The following COG3 variants were observed in gnomAD, a reference collection of about 807,000 sequenced individuals.
The protein encoded by COG3 is conserved oligomeric Golgi complex subunit 3.
A neutral mutation model predicts 114.1 loss-of-function variants in COG3; 32 were observed. The observed-to-expected ratio is 0.28, with a 90% CI of 0.21 to 0.38. The LOEUF is 0.38. Among genes scored for constraint, COG3 ranks in the 10% least tolerant of loss-of-function variants. The pLI is 1.00. For missense variants in COG3, 813 were observed against 973.2 expected, an observed-to-expected ratio of 0.84 and a Z score of 2.19; for synonymous variants, 352 against 365.7, an observed-to-expected ratio of 0.96 and a Z score of 0.43.
At position 45,529,945 on chromosome 13, in the gene COG3, G is replaced by A. The variant is rs1351824650; in HGVS notation, c.2358+27G>A. ...TGAGTATCAGATAACTCATTTGAAT[G>A]TTGGCGGGTGACTTCAAGTATTCTT... On this transcript the variant is annotated intron_variant, in intron 21 of 22. Transcript: ENST00000349995. 2.5e-6 allele frequency: 4 copies of A among 1,584,966 alleles called. No individual in the cohort carries two copies. In the East Asian group the frequency reaches 6.8e-5, roughly 27 times the overall value.
chr13:45,489,891 A>C (rs1360012947), intron 8 of COG3, among the ~76,000 whole-genome samples: 5 of 152,062 alleles, frequency 3.3e-5, no homozygotes, highest in African/African-American at 1.2e-4. Context: ...AAAATTTTGA[A>C]AAATACAGTG....
In COG3 at chr13:45,482,472, A is replaced by C; in HGVS notation, c.716A>C (p.His239Pro). The part of the protein sequence containing the change: ...LDDCITYISS[H>P]PNFKDYPIYL... ...GATTGTATAACATATATCTCATCTC[A>C]TGTAAGTCAGAGTATTTTTGCATGT... The change falls in exon 6 of 23, where the codon CAT (histidine) becomes CCT (proline). Residue 239 changes from histidine to proline, a missense_variant and splice_region_variant. By Grantham distance (77) the His-to-Pro change is moderately conservative (BLOSUM62 -2). This residue lies in a region of COG3 where 424 missense variants were observed against 430.6 expected (regional missense o/e 0.98). Transcript: ENST00000349995. The C allele has an allele frequency of 7.2e-7, 1 of 1,395,400 alleles. No individual in the cohort carries two copies. Among genetic ancestry groups the C allele is most frequent in the Non-Finnish European group, 1.0e-6 (1 of 1,000,428 alleles). 86.4% of individuals were successfully genotyped at this position (1,395,400 alleles called of 1,614,324 possible). A position where few individuals can be genotyped will look rare whatever the true frequency, so the allele number is the denominator to read the frequency against.
At chr13:45,491,922 A>G (rs1195885953) in intron 10 of COG3, among the ~76,000 whole-genome samples, 1 of 152,198 alleles carries the variant, frequency 6.6e-6, no homozygotes, top group Non-Finnish European at 1.5e-5. Flanking sequence ...TTTGAACTAG[A>G]AAAGTAATTT....
Position 45,501,346 on chromosome 13 carries a change from A to G in COG3, c.1489-1898A>G, listed in dbSNP as rs554542535. ...AGTGTGGACTTGGTCTCTTTTTCCAATTTGTTGATTCAATCACTTACTGAT... is the reference window on the plus strand; with the variant it reads ...AGTGTGGACTTGGTCTCTTTTTCCAGTTTGTTGATTCAATCACTTACTGAT... On this transcript the variant is annotated intron_variant, in intron 13 of 22. Transcript: ENST00000349995. 1.1e-3 allele frequency among the ~76,000 whole-genome samples: 163 copies of G among 152,134 alleles called. 1 individual carries two copies. Among genetic ancestry groups the G allele is most frequent in the Admixed American group, 4.6e-3 (71 of 15,272 alleles).
Position 45,484,109 on chromosome 13 carries a change from T to G in COG3, c.843+754T>G, listed in dbSNP as rs544370122. On this transcript the variant is annotated intron_variant, in intron 7 of 22. Coordinates refer to ENST00000349995, the MANE Select transcript of COG3 (RefSeq NM_031431.4). Reference sequence around the variant, plus strand: ...TAAAATCATAAACGTTATGTTTTGGTTTTTAAGCTTGCTTTCTAAAGAACG... The same window carrying G: ...TAAAATCATAAACGTTATGTTTTGGGTTTTAAGCTTGCTTTCTAAAGAACG... Among the ~76,000 whole-genome samples the G allele has an allele frequency of 5.3e-5, 8 of 152,334 alleles. No individual in the cohort carries two copies. The South Asian group carries it at 1.7e-3, about 32-fold the overall frequency.
chr13:45,498,625 T>C (rs983098456), intron 13 of COG3, among the ~76,000 whole-genome samples: 14 of 152,068 alleles, frequency 9.2e-5, no homozygotes, highest in Non-Finnish European at 1.8e-4. Context: ...CAGTTGACCA[T>C]AGATTAATGG....
At chr13:45,491,643 C>T in intron 10 of COG3, 105 bp downstream of exon 10, 2 of 1,063,552 alleles carry the variant, frequency 1.9e-6, no homozygotes, top group East Asian at 5.4e-5. Flanking sequence ...CCATAGTTAA[C>T]TGAAAAAGCA....
At chr13:45,506,329 A>G (rs1375918473) in intron 14 of COG3, among the ~76,000 whole-genome samples, 1 of 152,116 alleles carries the variant, frequency 6.6e-6, no homozygotes, top group Non-Finnish European at 1.5e-5. Context: ...AAGCCCACCA[A>G]GAAAGAACAG....
intron 19 of COG3, 79 bp from the exon 20 acceptor site, chr13:45,524,897 G>A (rs1318385490): frequency 1.9e-6 from 2 of 1,034,116 alleles, no homozygotes; most frequent in African/African-American, 3.2e-5. Flanking sequence ...CTTGAGAGCA[G>A]TACCACCCTT....
intron 10 of COG3, among the ~76,000 whole-genome samples, chr13:45,491,949 G>A (rs1251355385): frequency 6.6e-6 from 1 of 152,100 alleles, no homozygotes; most frequent in African/African-American, 2.4e-5. Context: ...ATTATGAGAA[G>A]TTTAGAAACT....
Position 45,465,020 on chromosome 13 carries a change from C to T in COG3, c.-17C>T. On this transcript the variant is annotated 5_prime_UTR_variant, in exon 1 of 23. Transcript: ENST00000349995. ...CCCTCCATCTCGCTGCTGCTGAAGG[C>T]CGCGAGGGCGGCGGCGATGGCGGAG... 6.4e-7 allele frequency: 1 copy of T among 1,553,048 alleles called. No homozygotes were observed. Among genetic ancestry groups the T allele is most frequent in the Non-Finnish European group, 8.7e-7 (1 of 1,150,492 alleles).
At chr13:45,490,835 A>C in intron 8 of COG3, 80 bp from the exon 9 acceptor site, 1 of 699,336 alleles carries the variant, frequency 1.4e-6, no homozygotes. Flanking sequence ...TGAATATGTG[A>C]TACAATTAAT....
chr13:45,469,310 A>C (rs1430471693), intron 1 of COG3, among the ~76,000 whole-genome samples: 1 of 152,236 alleles, frequency 6.6e-6, no homozygotes, highest in African/African-American at 2.4e-5. Context: ...TTCTAAAGTT[A>C]ATTAGAAGAT....
chr13:45,498,442 T>C (rs1256051186), intron 13 of COG3, among the ~76,000 whole-genome samples: 1 of 149,218 alleles, frequency 6.7e-6, no homozygotes, highest in Non-Finnish European at 1.5e-5. Context: ...TTACTGCAAC[T>C]TCTGCCTCCC....
chr13:45,505,988 T>C (rs988691129), intron 14 of COG3, among the ~76,000 whole-genome samples: 1 of 152,134 alleles, frequency 6.6e-6, no homozygotes, highest in African/African-American at 2.4e-5. Context: ...CTCTGCCTCC[T>C]GGGCTTAAAG....
intron 16 of COG3, among the ~76,000 whole-genome samples, chr13:45,512,370 C>G (rs1023590456): frequency 6.6e-6 from 1 of 152,124 alleles, no homozygotes; most frequent in African/African-American, 2.4e-5. Context: ...CTTGCTTTGT[C>G]TCCCTGGCTG....
chr13:45,465,296 T>A, intron 1 of COG3, 86 bp downstream of exon 1: 1 of 1,525,330 alleles, frequency 6.6e-7, no homozygotes, highest in Non-Finnish European at 8.8e-7. Context: ...CTCACTAGCC[T>A]CTGCCCAGGA....
At chr13:45,504,222 C>T (rs1208908318) in intron 14 of COG3, among the ~76,000 whole-genome samples, 1 of 152,162 alleles carries the variant, frequency 6.6e-6, no homozygotes. Context: ...TGAGTCTACT[C>T]TATAAACAGT....
chr13:45,494,585 G>A (rs1868514745), intron 12 of COG3, among the ~76,000 whole-genome samples: 1 of 152,130 alleles, frequency 6.6e-6, no homozygotes, highest in Non-Finnish European at 1.5e-5. Flanking sequence ...GAGTGCAGTG[G>A]CACCATCTCG....
Sources: gnomAD v4.1 joint callset for allele counts (sites outside exome capture counted in the v4.1 genomes callset) on GRCh38, gnomAD v4.1.1 for gene constraint, gnomAD v4.1.1 regional missense constraint, MANE v1.5 for transcripts, NCBI Gene and HGNC (gene_info 2026-07-23, HGNC 2026-07-21) for gene names.